The following GLRX3 variants were observed in gnomAD, a reference collection of about 807,000 sequenced individuals.
GLRX3 encodes glutaredoxin-3.
In GLRX3, 22 loss-of-function variants were observed where a neutral mutation model predicts 49.5. That is an observed-to-expected ratio of 0.44 (90% CI 0.32 to 0.63). The LOEUF (loss-of-function observed/expected upper bound fraction) is 0.63. GLRX3 is among the 30% of genes least tolerant of loss of function. The pLI is 0.05. For missense variants in GLRX3, 385 were observed against 396.3 expected (o/e 0.97, Z 0.24); for synonymous variants, 133 against 140.0 (o/e 0.95, Z 0.35).
intron 2 of GLRX3, among the ~76,000 whole-genome samples, chr10:130,151,520 C>T (rs1862376386): frequency 6.6e-6 from 1 of 151,996 alleles, no homozygotes; most frequent in Non-Finnish European, 1.5e-5. Context: ...ATCCCTCCCT[C>T]AGCCCCCCAC....
chr10:130,160,997 G>A lies in GLRX3; in HGVS notation c.478G>A (p.Gly160Ser), dbSNP rs777515548. Reference sequence around the variant, plus strand: ...AGGAACTCCTCAAGAACCACGCTGTGGTAAGAAGCTGCCTTTAACATAATA... The same window carrying A: ...AGGAACTCCTCAAGAACCACGCTGTAGTAAGAAGCTGCCTTTAACATAATA... Reference protein sequence around the residue: ...MKGTPQEPRCGFSKQMVEILH... With the variant: ...MKGTPQEPRCSFSKQMVEILH... Residue 160 changes from glycine to serine, a missense_variant and splice_region_variant, in exon 4 of 11, where the codon GGT becomes AGT. Transcript: ENST00000331244. 5.6e-6 allele frequency: 9 copies of A among 1,608,330 alleles called. No homozygotes were observed. In the Admixed American group the frequency reaches 1.0e-4, roughly 18 times the overall value.
chr10:130,151,409 A>C (rs1262167330), intron 2 of GLRX3, among the ~76,000 whole-genome samples: 1 of 152,154 alleles, frequency 6.6e-6, no homozygotes, highest in East Asian at 1.9e-4. Flanking sequence ...TCTAGGGTAC[A>C]TGTGCACAAT....
intron 2 of GLRX3, among the ~76,000 whole-genome samples, chr10:130,158,974 C>T (rs956258531): frequency 1.3e-5 from 2 of 152,114 alleles, no homozygotes; most frequent in African/African-American, 2.4e-5. Flanking sequence ...TTCCCACTTT[C>T]TCTGCAAGCT....
chr10:130,140,697 C>A (rs73389569), intron 1 of GLRX3, among the ~76,000 whole-genome samples: 4 of 152,004 alleles, frequency 2.6e-5, no homozygotes, highest in Non-Finnish European at 5.9e-5. Flanking sequence ...CTTATTTGGG[C>A]TCATACTATT....
intron 1 of GLRX3, among the ~76,000 whole-genome samples, chr10:130,140,514 T>C (rs959238931): frequency 5.9e-5 from 9 of 152,228 alleles, no homozygotes; most frequent in Non-Finnish European, 1.2e-4. Flanking sequence ...CAATATCATG[T>C]TTTAATGTTT....
chr10:130,161,091 T>C (rs1490543262), intron 4 of GLRX3, 94 bp downstream of exon 4: 1 of 802,546 alleles, frequency 1.2e-6, no homozygotes, highest in Non-Finnish European at 2.2e-6. Context: ...AAGGATGCTA[T>C]ACCATACATC....
At chr10:130,172,960 C>T (rs1179120788) in intron 8 of GLRX3, among the ~76,000 whole-genome samples, 1 of 152,120 alleles carries the variant, frequency 6.6e-6, no homozygotes. Context: ...ATGTGGTTGT[C>T]GTCTTTAGAT....
intron 2 of GLRX3, among the ~76,000 whole-genome samples, chr10:130,153,932 C>G (rs1030612037): frequency 1.3e-5 from 2 of 152,198 alleles, no homozygotes; most frequent in Non-Finnish European, 1.5e-5. Flanking sequence ...CCTTGCTGAG[C>G]TGTGGTGGGC....
intron 2 of GLRX3, among the ~76,000 whole-genome samples, chr10:130,151,577 T>G (rs540324982): frequency 6.6e-6 from 1 of 152,164 alleles, no homozygotes; most frequent in South Asian, 2.1e-4. Flanking sequence ...TGTGTCCATG[T>G]GTTCTCATTG....
chr10:130,151,481 C>T (rs1862375599), intron 2 of GLRX3, among the ~76,000 whole-genome samples: 1 of 152,112 alleles, frequency 6.6e-6, no homozygotes, highest in South Asian at 2.1e-4. Flanking sequence ...ATCAACTCAT[C>T]ATTTACATTA....
downstream of GLRX3, chr10:130,180,307 T>G (rs1265812866): frequency 6.6e-6 from 1 of 152,180 alleles, no homozygotes; most frequent in Non-Finnish European, 1.5e-5. Flanking sequence ...CCTCCCAAAG[T>G]GCTGGAATTT....
At chr10:130,166,016 C>G (rs1450959173) in intron 4 of GLRX3, among the ~76,000 whole-genome samples, 4 of 152,174 alleles carry the variant, frequency 2.6e-5, no homozygotes, top group Admixed American at 2.6e-4. Flanking sequence ...AAGACAAGGT[C>G]TTGCTTTATC....
At chr10:130,172,475 A>G (rs185704731) in intron 8 of GLRX3, among the ~76,000 whole-genome samples, 16 of 152,326 alleles carry the variant, frequency 1.1e-4, no homozygotes, top group Admixed American at 9.8e-4. Context: ...CACATGTTCT[A>G]TAGGGTTTGT....
chr10:130,149,632 T>C (rs1019562242), intron 2 of GLRX3, among the ~76,000 whole-genome samples: 1 of 152,128 alleles, frequency 6.6e-6, no homozygotes, highest in Non-Finnish European at 1.5e-5. Flanking sequence ...AATTGTTTGA[T>C]ATAATCTTCC....
intron 1 of GLRX3, among the ~76,000 whole-genome samples, chr10:130,136,926 C>A (rs11017103): frequency 0.099 from 15,024 of 152,208 alleles, 772 homozygotes; most frequent in Middle Eastern, 0.14. Context: ...CGCCACGGAG[C>A]GGGACCCACG....
At chr10:130,138,756 T>C (rs1055382072) in intron 1 of GLRX3, among the ~76,000 whole-genome samples, 4 of 151,836 alleles carry the variant, frequency 2.6e-5, no homozygotes, top group African/African-American at 9.7e-5. Flanking sequence ...GAATTTACCA[T>C]CACCTGAAAG....
intron 1 of GLRX3, among the ~76,000 whole-genome samples, chr10:130,138,954 C>T (rs913053245): frequency 6.8e-6 from 1 of 148,138 alleles, no homozygotes; most frequent in East Asian, 2.0e-4. Flanking sequence ...CTCTGCCTCA[C>T]GGGTTCAAAT....
At chr10:130,168,854 T>G (rs1284416473) in intron 6 of GLRX3, among the ~76,000 whole-genome samples, 1 of 152,220 alleles carries the variant, frequency 6.6e-6, no homozygotes, top group East Asian at 1.9e-4. Context: ...TCTTGAGATT[T>G]GTGACTAAAC....
intron 1 of GLRX3, among the ~76,000 whole-genome samples, chr10:130,144,924 A>G (rs1391172392): frequency 6.6e-6 from 1 of 152,234 alleles, no homozygotes; most frequent in Non-Finnish European, 1.5e-5. Context: ...CACTCCCACC[A>G]ACAGTGATTT....
Sources: gnomAD v4.1 joint callset for allele counts (sites outside exome capture counted in the v4.1 genomes callset) on GRCh38, gnomAD v4.1.1 for gene constraint, MANE v1.5 for transcripts, NCBI Gene and HGNC (gene_info 2026-07-23, HGNC 2026-07-21) for gene names.